Variants in LPAR3 observed in about 807,000 individuals in gnomAD.
The protein encoded by LPAR3 is lysophosphatidic acid receptor 3, also known as LPA receptor 3.
A neutral mutation model predicts 17.8 loss-of-function variants in LPAR3; 7 were observed. The ratio of observed to expected loss-of-function variants is 0.39; its 90% CI spans 0.22 to 0.74. The LOEUF is 0.74. Ranked by LOEUF, LPAR3 falls within the 30% of genes least tolerant of loss-of-function variation. The probability of loss-of-function intolerance (pLI) is 0.40; values close to 1 mark genes in which losing one functional copy is unlikely to be tolerated. For synonymous variants in LPAR3, 179 were observed against 179.9 expected (o/e 0.99, Z 0.04); for missense variants, 391 against 453.4 (o/e 0.86, Z 1.25).
chr1:84,878,944 C>T (rs17116943), intron 1 of LPAR3, among the ~76,000 whole-genome samples: 5,676 of 152,280 alleles, frequency 0.037, 309 homozygotes, highest in African/African-American at 0.12. Context: ...TTTGAATCTG[C>T]TCCTGACCAA....
At chr1:84,838,856 C>G (rs1362997131) in intron 2 of LPAR3, among the ~76,000 whole-genome samples, 1 of 152,304 alleles carries the variant, frequency 6.6e-6, no homozygotes, top group East Asian at 1.9e-4. Context: ...TCTTTTAACC[C>G]CTTGTTCCTG....
intron 1 of LPAR3, among the ~76,000 whole-genome samples, chr1:84,883,721 G>GT (rs74859279): frequency 2.5e-3 from 338 of 136,490 alleles, no homozygotes; most frequent in Middle Eastern, 7.8e-3. Flanking sequence ...GGATTTTTTT[G>GT]TTTTTTTTTT....
chr1:84,836,060 G>C (rs943866025), intron 2 of LPAR3, among the ~76,000 whole-genome samples: 1 of 132,794 alleles, frequency 7.5e-6, no homozygotes, highest in African/African-American at 2.9e-5. Flanking sequence ...TACATGGCTG[G>C]GTGTGGTGGC....
rs149637025 is a variant in LPAR3 at position 84,889,025 on chromosome 1, G to A, written c.-19+3991C>T. 6.6e-3 allele frequency among the ~76,000 whole-genome samples: 998 copies of A among 152,210 alleles called. 6 individuals carry two copies. The highest frequency in any genetic ancestry group is 0.022 in the African/African-American group (915 of 41,504). On this transcript the variant is annotated intron_variant, in intron 1 of 2. Transcript: ENST00000370611. ...CTGAAGAGGGGTGACAGAATCATGG[G>A]AGTAGGGCAGTATCAGGGGTCATGG...
rs2102771208 is a variant in LPAR3 at position 84,878,982 on chromosome 1, A to G, written c.-18-12844T>C. On this transcript the variant is annotated intron_variant, in intron 1 of 2. Transcript: ENST00000370611. The stretch of plus-strand genomic sequence containing the variant: ...ACTCTGGACATAGCTTTGTGAATTC[A>G]AACTCAGCTCCAAACCTAGGAATCT... 3.3e-5 allele frequency among the ~76,000 whole-genome samples: 5 copies of G among 152,308 alleles called. 1 individual carries two copies. The South Asian group carries it at 1.0e-3, about 32-fold the overall frequency.
In LPAR3 at chr1:84,828,156, C is replaced by T. The variant is rs147390312; in HGVS notation, c.737-13985G>A. Among the ~76,000 whole-genome samples the T allele has an allele frequency of 3.3e-4, 50 of 152,220 alleles. No individual in the cohort carries two copies. In the East Asian group the frequency reaches 8.5e-3, roughly 26 times the overall value. On this transcript the variant is annotated intron_variant, in intron 2 of 2. Transcript: ENST00000370611. Reference sequence around the variant, plus strand: ...TTCTATTGCAGGCCCTCACTAAAAGCAGGCTAAGTGAGCGATGGACACACA... The same window carrying T: ...TTCTATTGCAGGCCCTCACTAAAAGTAGGCTAAGTGAGCGATGGACACACA...
At chr1:84,855,624 A>G (rs1659802279) in intron 2 of LPAR3, among the ~76,000 whole-genome samples, 1 of 152,226 alleles carries the variant, frequency 6.6e-6, no homozygotes, top group Admixed American at 6.5e-5. Flanking sequence ...AGGGGGCATG[A>G]GAGGGGAATA....
In LPAR3 at chr1:84,820,934, T is replaced by TA. The variant is rs368372616; in HGVS notation, c.737-6764dup. 1.4e-4 allele frequency among the ~76,000 whole-genome samples: 22 copies of TA among 151,918 alleles called. No individual in the cohort carries two copies. In the South Asian group the frequency reaches 2.3e-3, roughly 16 times the overall value. On this transcript the variant is annotated intron_variant, in intron 2 of 2. Transcript: ENST00000370611. ...TAGTGAGTTGCAACCAGCGATTTTT[T>TA]AAAAAAAATGAAATAGAAACAGAAA...
chr1:84,841,927 G>C (rs1188681629), intron 2 of LPAR3, among the ~76,000 whole-genome samples: 1 of 151,574 alleles, frequency 6.6e-6, no homozygotes, highest in African/African-American at 2.4e-5. Context: ...AAGAAAGAGA[G>C]ACCTTGATAT....
Position 84,811,781 on chromosome 1 carries a change from A to G in LPAR3, c.*2065T>C, listed in dbSNP as rs1658817390. On this transcript the variant is annotated 3_prime_UTR_variant, in exon 3 of 3. Transcript: ENST00000370611. ...TATTACAAGTAGTTCTTGCACATAA[A>G]TGTTATATCACAATAGCAAAAAAAT... 1 of 152,214 alleles carries G rather than the reference A, an allele frequency of 6.6e-6. No individual in the cohort carries two copies. Among genetic ancestry groups the G allele is most frequent in the African/African-American group, 2.4e-5 (1 of 41,454 alleles). The allele number at this position is 152,214 out of a possible 1,614,324, so 9.4% of individuals were successfully genotyped here.
chr1:84,863,449 T>C (rs771982183), intron 2 of LPAR3, among the ~76,000 whole-genome samples: 1 of 152,140 alleles, frequency 6.6e-6, no homozygotes, highest in Non-Finnish European at 1.5e-5. Flanking sequence ...CTCTCCTCGA[T>C]TGCCTTCTTC....
chr1:84,888,648 C>A (rs1660501050), intron 1 of LPAR3, among the ~76,000 whole-genome samples: 1 of 152,152 alleles, frequency 6.6e-6, no homozygotes, highest in African/African-American at 2.4e-5. Context: ...CTTAAAGCTG[C>A]ATTTATAAAG....
chr1:84,848,066 C>T (rs138601741), intron 2 of LPAR3, among the ~76,000 whole-genome samples: 1 of 152,190 alleles, frequency 6.6e-6, no homozygotes, highest in South Asian at 2.1e-4. Flanking sequence ...GAACAGCAGG[C>T]ATGGGCCTTT....
At chr1:84,862,347 G>A (rs1023302115) in intron 2 of LPAR3, among the ~76,000 whole-genome samples, 17 of 152,304 alleles carry the variant, frequency 1.1e-4, no homozygotes, top group African/African-American at 3.6e-4. Context: ...AGCGTAAAAA[G>A]TCCAGATAAA....
intron 2 of LPAR3, among the ~76,000 whole-genome samples, chr1:84,861,820 A>G (rs747589536): frequency 2.0e-5 from 3 of 152,162 alleles, no homozygotes; most frequent in Non-Finnish European, 4.4e-5. Context: ...TCTTATCTCA[A>G]TTGCATGACT....
chr1:84,818,386 T>C (rs1658982620), intron 2 of LPAR3, among the ~76,000 whole-genome samples: 1 of 152,170 alleles, frequency 6.6e-6, no homozygotes, highest in African/African-American at 2.4e-5. Context: ...GAGAAAACTT[T>C]CATGACAAAA....
At chr1:84,815,095 A>G (rs1231431970) in intron 2 of LPAR3, among the ~76,000 whole-genome samples, 1 of 152,210 alleles carries the variant, frequency 6.6e-6, no homozygotes, top group African/African-American at 2.4e-5. Context: ...ATTAACTCAC[A>G]GGACCACACT....
intron 1 of LPAR3, among the ~76,000 whole-genome samples, chr1:84,874,322 C>A (rs4907105): frequency 0.68 from 103,796 of 151,972 alleles, 35,867 homozygotes; most frequent in African/African-American, 0.77. Context: ...TGTGTCAGTG[C>A]AAGTTTTGGA....
intron 2 of LPAR3, 95 bp downstream of exon 2, chr1:84,865,290 C>T: frequency 4.4e-6 from 6 of 1,360,124 alleles, no homozygotes; most frequent in Non-Finnish European, 5.0e-6. Flanking sequence ...CTGCTGCATT[C>T]TTACTGCCTA....
Sources: gnomAD v4.1 joint callset for allele counts (sites outside exome capture counted in the v4.1 genomes callset) on GRCh38, gnomAD v4.1.1 for gene constraint, MANE v1.5 for transcripts, NCBI Gene and HGNC (gene_info 2026-07-23, HGNC 2026-07-21) for gene names.